PARP16: variants seen among roughly 807,000 people sequenced by gnomAD.
The protein encoded by PARP16 is poly(ADP-ribose) polymerase family member 16.
A neutral mutation model predicts 35.0 loss-of-function variants in PARP16; 31 were observed. The observed-to-expected ratio is 0.88, with a 90% CI of 0.66 to 1.19. The LOEUF is 1.19. PARP16 is among the 50% of genes most tolerant of loss of function. The pLI is 0.00. For missense variants in PARP16, 424 were observed against 411.2 expected, an observed-to-expected ratio of 1.03 and a Z score of -0.27; for synonymous variants, 162 against 169.5, an observed-to-expected ratio of 0.96 and a Z score of 0.34.
rs2090608321 is a variant in PARP16, at chr15:65,286,657, G to C, written c.-231C>G. ...CGCCGAAGAGAGAGACCGAGGCCTG[G>C]ACCGCGGGTCGGCGGGGAGGTTGGG... On this transcript the variant is annotated 5_prime_UTR_variant, in exon 1 of 6. Transcript: ENST00000649807. The C allele has an allele frequency of 7.1e-6, 3 of 424,086 alleles. No individual in the cohort carries two copies. Among genetic ancestry groups the C allele is most frequent in the African/African-American group, 4.2e-5 (2 of 48,148 alleles). 26.3% of individuals were successfully genotyped at this position (424,086 alleles called of 1,614,324 possible).
intron 1 of PARP16, among the ~76,000 whole-genome samples, chr15:65,283,802 A>G (rs1056535155): frequency 6.6e-5 from 10 of 152,230 alleles, no homozygotes; most frequent in African/African-American, 2.2e-4. Context: ...CAAACACTCC[A>G]TAAGTATCTG....
intron 3 of PARP16, among the ~76,000 whole-genome samples, chr15:65,239,974 T>TTTA (rs71136329): frequency 1.4e-5 from 2 of 142,456 alleles, no homozygotes; most frequent in South Asian, 4.5e-4. Flanking sequence ...TTTTTTTTTT[T>TTTA]AAATACAGGG....
intron 3 of PARP16, among the ~76,000 whole-genome samples, chr15:65,237,014 A>G (rs2140715269): frequency 6.6e-6 from 1 of 152,192 alleles, no homozygotes; most frequent in East Asian, 1.9e-4. Flanking sequence ...AGGTGTGGAA[A>G]GCTGTTGAAG....
At chr15:65,268,913 C>T (rs2089993624) in intron 2 of PARP16, among the ~76,000 whole-genome samples, 1 of 151,926 alleles carries the variant, frequency 6.6e-6, no homozygotes, top group South Asian at 2.1e-4. Context: ...TGCCACAATG[C>T]CTGGCTAATT....
intron 2 of PARP16, among the ~76,000 whole-genome samples, chr15:65,267,498 T>G (rs1235468557): frequency 1.3e-5 from 2 of 150,872 alleles, no homozygotes; most frequent in Non-Finnish European, 3.0e-5. Flanking sequence ...TCCCAGCTAC[T>G]CGGGAGGCTG....
chr15:65,279,091 G>A (rs1445665791), intron 1 of PARP16, among the ~76,000 whole-genome samples: 1 of 152,040 alleles, frequency 6.6e-6, no homozygotes, highest in East Asian at 1.9e-4. Flanking sequence ...GGACCCTAAA[G>A]GGTTCTCCTA....
Position 65,268,899 on chromosome 15 carries a change from CATG to C in PARP16, c.312+2033_312+2035del, listed in dbSNP as rs571432519. 1.4e-4 allele frequency among the ~76,000 whole-genome samples: 22 copies of C among 152,178 alleles called. No individual in the cohort carries two copies. The South Asian group carries it at 4.6e-3, about 32-fold the overall frequency. ...CCTCCCGAGCAGCTGGGATTACAGG[CATG>C]TGCCACAATGCCTGGCTAATTTTTG... On this transcript the variant is annotated intron_variant, in intron 2 of 5. Transcript: ENST00000649807.
chr15:65,257,688 G>A (rs4415968), downstream of PARP16, among the ~76,000 whole-genome samples: 42,081 of 149,306 alleles, frequency 0.28, 6,156 homozygotes, highest in Admixed American at 0.33. Context: ...AACCAGTATA[G>A]TAAGGTGCCT....
intron 3 of PARP16, among the ~76,000 whole-genome samples, chr15:65,245,533 G>A (rs1345572675): frequency 2.0e-5 from 3 of 152,192 alleles, no homozygotes; most frequent in Non-Finnish European, 2.9e-5. Flanking sequence ...GGTCATGGAT[G>A]TGGCTAGAGT....
intron 2 of PARP16, among the ~76,000 whole-genome samples, chr15:65,268,063 CCT>C (rs2089966528): frequency 2.0e-5 from 3 of 152,024 alleles, no homozygotes; most frequent in Admixed American, 1.3e-4. Context: ...GTAAAAATTC[CCT>C]CTCATCCTTG....
chr15:65,237,766 C>T (rs2088926580), intron 3 of PARP16, among the ~76,000 whole-genome samples: 1 of 152,184 alleles, frequency 6.6e-6, no homozygotes, highest in South Asian at 2.1e-4. Flanking sequence ...GAATAAATCT[C>T]TGGTTGTTCT....
intron 3 of PARP16, among the ~76,000 whole-genome samples, chr15:65,242,873 C>G (rs191121562): frequency 3.0e-4 from 45 of 152,032 alleles, no homozygotes; most frequent in African/African-American, 1.1e-3. Context: ...TGCCACCACT[C>G]CTGGCTAATT....
At chr15:65,239,955 C>CTTTTTT (rs367808430) in intron 3 of PARP16, among the ~76,000 whole-genome samples, 23,485 of 81,392 alleles carry the variant, frequency 0.29, 5,059 homozygotes, top group Admixed American at 0.35. Flanking sequence ...CGCGTCTGAC[C>CTTTTTT]TTTTTTTTTT....
chr15:65,286,328 G>C lies in PARP16; in HGVS notation c.99C>G (p.Ser33Arg). The change falls in exon 1 of 6, where the codon AGC (serine) becomes AGG (arginine). Residue 33 changes from serine (S) to arginine (R), a missense_variant. Transcript: ENST00000649807. ...GCCGCAGCACCGAGTCGCGCTTGTA[G>C]CTCTGCAGGGCCGAGGCGAAGAGGC... Reference protein sequence around the residue: ...RCSLFASALQSYKRDSVLRPF... With the variant: ...RCSLFASALQRYKRDSVLRPF... The C allele has an allele frequency of 1.2e-6, 2 of 1,604,388 alleles. No individual in the cohort carries two copies. The highest frequency in any genetic ancestry group is 1.7e-5 in the Admixed American group (1 of 59,090).
At chr15:65,247,254 C>T (rs1044654066) in intron 3 of PARP16, among the ~76,000 whole-genome samples, 1 of 152,102 alleles carries the variant, frequency 6.6e-6, no homozygotes, top group African/African-American at 2.4e-5. Context: ...CTTGGCCTCC[C>T]GAAATGCTGG....
chr15:65,278,983 T>C (rs2090341364), intron 1 of PARP16, among the ~76,000 whole-genome samples: 2 of 152,156 alleles, frequency 1.3e-5, no homozygotes, highest in African/African-American at 4.8e-5. Flanking sequence ...AGGTACAATT[T>C]GCTTTGCACA....
intron 1 of PARP16, among the ~76,000 whole-genome samples, chr15:65,274,841 C>T (rs1033683403): frequency 2.6e-5 from 4 of 152,210 alleles, no homozygotes; most frequent in African/African-American, 9.6e-5. Flanking sequence ...TGTCGCCAGG[C>T]GTGGTGGCTC....
At chr15:65,246,313 G>A (rs545815671) in intron 3 of PARP16, among the ~76,000 whole-genome samples, 3 of 152,250 alleles carry the variant, frequency 2.0e-5, no homozygotes, top group Admixed American at 6.5e-5. Context: ...CACTATCTCC[G>A]GACCGCCCCC....
chr15:65,242,767 T>A (rs901884822), intron 3 of PARP16, among the ~76,000 whole-genome samples: 73 of 152,252 alleles, frequency 4.8e-4, no homozygotes, highest in African/African-American at 1.7e-3. Flanking sequence ...CAGGCTGGAG[T>A]GCAGTGGCAT....
Sources: gnomAD v4.1 joint callset for allele counts (sites outside exome capture counted in the v4.1 genomes callset) on GRCh38, gnomAD v4.1.1 for gene constraint, MANE v1.5 for transcripts, NCBI Gene and HGNC (gene_info 2026-07-23, HGNC 2026-07-21) for gene names.